Variants in VGLL4 observed in about 807,000 individuals in gnomAD.
The protein encoded by VGLL4 is vestigial like family member 4.
VGLL4 carries 7 observed loss-of-function variants against 21.0 expected under a neutral mutation model. The ratio of observed to expected loss-of-function variants is 0.33; its 90% CI spans 0.19 to 0.63. The LOEUF (loss-of-function observed/expected upper bound fraction) is 0.63, where lower values mean the gene tolerates loss of function less well. Ranked by LOEUF, VGLL4 falls within the 20% of genes least tolerant of loss-of-function variation. VGLL4 has a pLI of 0.78. For missense variants in VGLL4, 394 were observed against 425.7 expected (o/e 0.93, Z 0.66); for synonymous variants, 222 against 173.2 (o/e 1.28, Z -2.21).
At chr3:11,609,051 A>G (rs998012168) in intron 1 of VGLL4, among the ~76,000 whole-genome samples, 8 of 152,116 alleles carry the variant, frequency 5.3e-5, no homozygotes, top group Non-Finnish European at 1.0e-4. Flanking sequence ...ATTTTTTAGT[A>G]GAGATGGGGT....
chr3:11,656,800 G>A (rs2075965520), intron 2 of VGLL4, among the ~76,000 whole-genome samples: 1 of 152,172 alleles, frequency 6.6e-6, no homozygotes, highest in African/African-American at 2.4e-5. Flanking sequence ...CTGAGGACTA[G>A]CCACAATCCA....
At chr3:11,569,579 C>T (rs560204243) in intron 2 of VGLL4, among the ~76,000 whole-genome samples, 2 of 152,358 alleles carry the variant, frequency 1.3e-5, no homozygotes, top group East Asian at 3.9e-4. Context: ...GAGGAGGGGC[C>T]GGCACAGGGC....
intron 1 of VGLL4, chr3:11,703,066 A>G (rs376388548): frequency 6.6e-7 from 1 of 1,512,334 alleles, no homozygotes; most frequent in Non-Finnish European, 8.8e-7. Flanking sequence ...AAAAAATAAA[A>G]GGGGAAAAAA....
At chr3:11,581,662 A>C (rs1559877698) in intron 2 of VGLL4, among the ~76,000 whole-genome samples, 2 of 152,352 alleles carry the variant, frequency 1.3e-5, no homozygotes, top group East Asian at 3.9e-4. Context: ...CTGCACTCTA[A>C]GGCAACTTAG....
At chr3:11,601,023 G>A (rs915816283) in intron 2 of VGLL4, among the ~76,000 whole-genome samples, 1 of 152,162 alleles carries the variant, frequency 6.6e-6, no homozygotes, top group Non-Finnish European at 1.5e-5. Context: ...TCCAAGTCCT[G>A]AAAACTGGGG....
At chr3:11,713,984 T>G (rs1036921313) in intron 1 of VGLL4, among the ~76,000 whole-genome samples, 1 of 152,150 alleles carries the variant, frequency 6.6e-6, no homozygotes, top group African/African-American at 2.4e-5. Flanking sequence ...GTACGATACT[T>G]AGTCATCACA....
At chr3:11,699,101 G>C (rs1281554813) in intron 2 of VGLL4, among the ~76,000 whole-genome samples, 2 of 152,158 alleles carry the variant, frequency 1.3e-5, no homozygotes, top group Admixed American at 1.3e-4. Context: ...TAAAGTCTGA[G>C]AGCAATTTAC....
chr3:11,669,738 G>A (rs942689121), intron 2 of VGLL4, among the ~76,000 whole-genome samples: 1 of 151,840 alleles, frequency 6.6e-6, no homozygotes, highest in Non-Finnish European at 1.5e-5. Flanking sequence ...GGAGAACAAT[G>A]GTGTGATCAC....
chr3:11,565,095 C>A lies in VGLL4; in HGVS notation c.273-76G>T. 1 of 1,303,972 alleles carries A rather than the reference C, an allele frequency of 7.7e-7. No individual in the cohort carries two copies. The highest frequency in any genetic ancestry group is 2.9e-5 in the East Asian group (1 of 34,172). The allele number at this position is 1,303,972 out of a possible 1,614,324, so 80.8% of individuals were successfully genotyped here. On this transcript the variant is annotated intron_variant, in intron 2 of 4. Coordinates refer to ENST00000430365, the MANE Select transcript of VGLL4 (RefSeq NM_001128219.3). This position sits in a 1 kb window ranked among gnomAD's most constrained non-coding sequence, Gnocchi z 4.1. ...GACAGTGACTGTGCGCCAGGCACTC[C>A]GTGTTGCTTATTTAATTTTTTACCC...
intron 1 of VGLL4, among the ~76,000 whole-genome samples, chr3:11,711,892 G>A (rs557882747): frequency 1.3e-5 from 2 of 152,266 alleles, no homozygotes; most frequent in South Asian, 2.1e-4. Flanking sequence ...AAGGAAAACT[G>A]AATGAGAATC....
chr3:11,699,535 G>A (rs1034299955), intron 2 of VGLL4: 2 of 152,158 alleles, frequency 1.3e-5, no homozygotes, highest in Non-Finnish European at 2.9e-5. Flanking sequence ...GGCTAGGCAT[G>A]GTAGCTCACA....
chr3:11,709,265 G>A (rs779023719), intron 1 of VGLL4, among the ~76,000 whole-genome samples: 5 of 150,556 alleles, frequency 3.3e-5, no homozygotes, highest in East Asian at 2.0e-4. Context: ...GAGAAACCCC[G>A]TCTCTTCTAA....
At chr3:11,577,984 T>C (rs1462260606) in intron 2 of VGLL4, among the ~76,000 whole-genome samples, 5 of 152,200 alleles carry the variant, frequency 3.3e-5, no homozygotes, top group Non-Finnish European at 7.3e-5. Flanking sequence ...TGAACATTCA[T>C]ATTTAAGAGG....
intron 2 of VGLL4, among the ~76,000 whole-genome samples, chr3:11,577,207 C>T (rs780461632): frequency 1.3e-5 from 2 of 152,214 alleles, no homozygotes; most frequent in Non-Finnish European, 2.9e-5. Context: ...CTCGTTCTTG[C>T]GACTGGCACT....
chr3:11,591,968 T>C (rs2074510153), intron 2 of VGLL4, among the ~76,000 whole-genome samples: 1 of 152,264 alleles, frequency 6.6e-6, no homozygotes, highest in Admixed American at 6.5e-5. Flanking sequence ...ACTACATTTA[T>C]GACCATAAAA....
intron 1 of VGLL4, among the ~76,000 whole-genome samples, chr3:11,636,455 T>C (rs2075588469): frequency 6.6e-6 from 1 of 152,246 alleles, no homozygotes; most frequent in African/African-American, 2.4e-5. Flanking sequence ...AGTATTGTTT[T>C]AGAAACGTGC....
At chr3:11,563,821 T>C (rs1036611371) in intron 3 of VGLL4, among the ~76,000 whole-genome samples, 2 of 152,176 alleles carry the variant, frequency 1.3e-5, no homozygotes, top group Non-Finnish European at 2.9e-5. Flanking sequence ...TGAGGCAAGA[T>C]GGGCAACTGT....
At chr3:11,585,527 G>C (rs550875688) in intron 2 of VGLL4, among the ~76,000 whole-genome samples, 1 of 152,200 alleles carries the variant, frequency 6.6e-6, no homozygotes, top group Admixed American at 6.5e-5. Context: ...TCTCCCAAGA[G>C]AGAAATCTAT....
At chr3:11,704,933 A>G (rs1225474364) in intron 1 of VGLL4, among the ~76,000 whole-genome samples, 1 of 152,244 alleles carries the variant, frequency 6.6e-6, no homozygotes, top group Non-Finnish European at 1.5e-5. Context: ...ACTTGAGCGG[A>G]GGCTTTGAAG....
Sources: gnomAD v4.1 joint callset for allele counts (sites outside exome capture counted in the v4.1 genomes callset) on GRCh38, gnomAD v4.1.1 for gene constraint, Gnocchi (gnomAD v3.1) non-coding constraint, MANE v1.5 for transcripts, NCBI Gene and HGNC (gene_info 2026-07-23, HGNC 2026-07-21) for gene names.